Variants in RIMS1 observed in about 807,000 individuals in gnomAD.
The protein encoded by RIMS1 is regulating synaptic membrane exocytosis 1, also known as regulating synaptic membrane exocytosis protein 1.
RIMS1 carries 83 observed loss-of-function variants against 214.1 expected under a neutral mutation model. That is an observed-to-expected ratio of 0.39 (90% CI 0.32 to 0.47). RIMS1 has a LOEUF of 0.47. RIMS1 is among the 20% of genes least tolerant of loss of function. The pLI, the probability that RIMS1 is intolerant of heterozygous loss-of-function variation, is 0.99. For missense variants in RIMS1, 2,050 were observed against 2,161.8 expected, an observed-to-expected ratio of 0.95 and a Z score of 1.03; for synonymous variants, 793 against 786.8, an observed-to-expected ratio of 1.01 and a Z score of -0.13.
chr6:72,128,513 A>G (rs2039961484), intron 4 of RIMS1, among the ~76,000 whole-genome samples: 1 of 152,168 alleles, frequency 6.6e-6, no homozygotes, highest in African/African-American at 2.4e-5. Context: ...CACATTTCCC[A>G]GGACATGACT....
intron 2 of RIMS1, among the ~76,000 whole-genome samples, chr6:72,016,076 T>C (rs1038293684): frequency 6.6e-6 from 1 of 152,242 alleles, no homozygotes; most frequent in Non-Finnish European, 1.5e-5. Context: ...GTGTGGTTTT[T>C]ATCTTTTATT....
intron 6 of RIMS1, among the ~76,000 whole-genome samples, chr6:72,206,929 A>G (rs996163632): frequency 1.3e-5 from 2 of 152,180 alleles, no homozygotes; most frequent in Admixed American, 6.5e-5. Context: ...CATTTATCTT[A>G]TTTACGTTTT....
At chr6:71,895,410 C>T (rs999289883) in intron 1 of RIMS1, among the ~76,000 whole-genome samples, 1 of 152,054 alleles carries the variant, frequency 6.6e-6, no homozygotes, top group Non-Finnish European at 1.5e-5. Context: ...TGCGGTGGCT[C>T]ACGCCTGCAA....
chr6:71,914,174 A>G (rs1012784336), intron 1 of RIMS1, among the ~76,000 whole-genome samples: 7 of 152,192 alleles, frequency 4.6e-5, no homozygotes, highest in Non-Finnish European at 1.0e-4. Context: ...ATAGGAAAAT[A>G]TGATCCCAGG....
At chr6:72,338,593 C>A (rs377092351) in intron 29 of RIMS1, among the ~76,000 whole-genome samples, 1 of 151,848 alleles carries the variant, frequency 6.6e-6, no homozygotes, top group East Asian at 1.9e-4. Flanking sequence ...TAATATCCAG[C>A]ATCTACAATG....
chr6:71,978,819 T>A (rs1334535693), intron 2 of RIMS1, among the ~76,000 whole-genome samples: 1 of 152,110 alleles, frequency 6.6e-6, no homozygotes, highest in African/African-American at 2.4e-5. Context: ...CAATTTTCTA[T>A]TGATATTAGA....
intron 1 of RIMS1, among the ~76,000 whole-genome samples, chr6:71,899,682 A>G (rs1772990924): frequency 6.6e-6 from 1 of 152,126 alleles, no homozygotes; most frequent in South Asian, 2.1e-4. Context: ...TTGCACCCAC[A>G]GCCCTTTCTG....
At chr6:71,934,295 C>T (rs1783911716) in intron 1 of RIMS1, among the ~76,000 whole-genome samples, 1 of 152,128 alleles carries the variant, frequency 6.6e-6, no homozygotes, top group South Asian at 2.1e-4. Context: ...CTCTTGGCGC[C>T]TAACATAAAA....
At chr6:72,248,154 G>T (rs1308820224) in intron 12 of RIMS1, 27 bp downstream of exon 12, 2 of 1,455,368 alleles carry the variant, frequency 1.4e-6, no homozygotes, top group South Asian at 1.2e-5. Context: ...CATGTTGGAG[G>T]CTGTTAGTAT....
chr6:71,963,538 CTTATT>C (rs1297500647), intron 1 of RIMS1, among the ~76,000 whole-genome samples: 1 of 151,984 alleles, frequency 6.6e-6, no homozygotes, highest in Admixed American at 6.6e-5. Flanking sequence ...ACTTTAATGT[CTTATT>C]TGATAAAATA....
At chr6:72,024,467 A>T (rs776220555) in intron 2 of RIMS1, among the ~76,000 whole-genome samples, 1 of 152,180 alleles carries the variant, frequency 6.6e-6, no homozygotes, top group Non-Finnish European at 1.5e-5. Context: ...TAATGAATGT[A>T]AAGTGTTTGA....
chr6:72,024,794 T>C (rs1294646895), intron 2 of RIMS1, among the ~76,000 whole-genome samples: 3 of 151,506 alleles, frequency 2.0e-5, no homozygotes, highest in African/African-American at 7.3e-5. Flanking sequence ...AGAATAGTAA[T>C]AAATTGAAAT....
chr6:72,280,607 T>C (rs992075849), intron 23 of RIMS1, among the ~76,000 whole-genome samples: 1 of 152,070 alleles, frequency 6.6e-6, no homozygotes, highest in African/African-American at 2.4e-5. Context: ...TAGTTATCTT[T>C]AGAAGAATCT....
At chr6:72,032,685 C>G (rs139128853) in intron 2 of RIMS1, among the ~76,000 whole-genome samples, 1 of 152,060 alleles carries the variant, frequency 6.6e-6, no homozygotes, top group Non-Finnish European at 1.5e-5. Flanking sequence ...AAGCAGACCA[C>G]GGAAGAGTGG....
chr6:72,285,546 G>A (rs1051263535), intron 24 of RIMS1, among the ~76,000 whole-genome samples: 2 of 151,858 alleles, frequency 1.3e-5, no homozygotes, highest in African/African-American at 4.9e-5. Flanking sequence ...AGTGGTCCAT[G>A]GAGAAATTGA....
chr6:72,168,553 T>C (rs1235661088), intron 4 of RIMS1, among the ~76,000 whole-genome samples: 1 of 152,152 alleles, frequency 6.6e-6, no homozygotes, highest in Non-Finnish European at 1.5e-5. Context: ...TTTACTGGAA[T>C]TATACGCAAT....
rs1043688070 is a variant in RIMS1 at position 72,344,892 on chromosome 6, G to C, written c.4366+11057G>C. ...TATAGATATACTTTTAGGTTGGCTT[G>C]GCAGAAAAAATTATTGATTTCAGTG... On this transcript the variant is annotated intron_variant, in intron 29 of 33. Transcript: ENST00000521978. 3.3e-5 allele frequency among the ~76,000 whole-genome samples: 5 copies of C among 151,538 alleles called. No homozygotes were observed. The East Asian group carries it at 9.7e-4, about 29-fold the overall frequency.
At position 72,401,380 on chromosome 6, in the gene RIMS1, C is replaced by T. The variant is rs1003959106; in HGVS notation, c.*666C>T. The T allele has an allele frequency of 6.6e-6, 1 of 152,538 alleles. No homozygotes were observed. Among genetic ancestry groups the T allele is most frequent in the African/African-American group, 2.4e-5 (1 of 41,412 alleles). The allele number at this position is 152,538 out of a possible 1,614,324, so 9.4% of individuals were successfully genotyped here. On this transcript the variant is annotated 3_prime_UTR_variant, in exon 34 of 34. Coordinates refer to ENST00000521978, the MANE Select transcript of RIMS1 (RefSeq NM_014989.7). ...AAGGTGAAGCCAAGGAAGGGTTTCA[C>T]TAGCTTTCATTTTATAATTATTTAA...
At chr6:71,987,237 A>T (rs1167541584) in intron 2 of RIMS1, among the ~76,000 whole-genome samples, 1 of 152,180 alleles carries the variant, frequency 6.6e-6, no homozygotes, top group East Asian at 1.9e-4. Context: ...GGCTGCTATT[A>T]AAAAATGCTT....
Sources: allele counts gnomAD v4.1 joint callset (sites outside exome capture counted in the v4.1 genomes callset), GRCh38; gene constraint gnomAD v4.1.1; transcripts MANE v1.5; gene names NCBI Gene and HGNC (gene_info 2026-07-23, HGNC 2026-07-21).